Variants in CCDC146 observed in about 807,000 individuals in gnomAD.
CCDC146 encodes coiled-coil domain-containing protein 146.
Under a neutral mutation model 119.3 loss-of-function variants are expected in CCDC146, and 92 were observed. That is an observed-to-expected ratio of 0.77 (90% CI 0.65 to 0.92). The LOEUF is 0.92. Among genes scored for constraint, CCDC146 ranks in the 40% least tolerant of loss-of-function variants. The probability of loss-of-function intolerance (pLI) is 0.00; values close to 1 mark genes in which losing one functional copy is unlikely to be tolerated. For missense variants in CCDC146, 1,000 were observed against 1,103.0 expected, an observed-to-expected ratio of 0.91 and a Z score of 1.32; for synonymous variants, 372 against 371.8, an observed-to-expected ratio of 1.00 and a Z score of -0.01.
At chr7:77,276,939 G>GCA (rs1164670802) in intron 11 of CCDC146, among the ~76,000 whole-genome samples, 5 of 152,210 alleles carry the variant, frequency 3.3e-5, no homozygotes, top group African/African-American at 1.2e-4. Context: ...TGGCGTGGTG[G>GCA]TGGGCACCTG....
At chr7:77,175,221 C>T (rs937736544) in intron 2 of CCDC146, among the ~76,000 whole-genome samples, 8 of 150,914 alleles carry the variant, frequency 5.3e-5, no homozygotes, top group African/African-American at 9.9e-5. Context: ...TAAATTATTT[C>T]GCCTAAGCGA....
At chr7:77,278,027 A>G (rs1562859568) in intron 11 of CCDC146, among the ~76,000 whole-genome samples, 1 of 152,208 alleles carries the variant, frequency 6.6e-6, no homozygotes, top group Admixed American at 6.5e-5. Flanking sequence ...GCTGATCTCA[A>G]TATGATGCCT....
Position 77,278,921 on chromosome 7 carries a change from CT to C in CCDC146, c.1530-13del. Reference sequence around the variant, plus strand: ...TTCATTTCATAAGTTTCAGTAAACACTTTGTATTTTTACAGACTGAGAGAGT... The same window carrying C: ...TTCATTTCATAAGTTTCAGTAAACACTTGTATTTTTACAGACTGAGAGAGT... On this transcript the variant is annotated splice_polypyrimidine_tract_variant and intron_variant, in intron 12 of 18. Transcript: ENST00000285871. The C allele has an allele frequency of 6.2e-7, 1 of 1,605,830 alleles. No individual in the cohort carries two copies. The highest frequency in any genetic ancestry group is 1.7e-5 in the Admixed American group (1 of 58,234).
At chr7:77,265,695 G>T (rs1793388335) in intron 9 of CCDC146, among the ~76,000 whole-genome samples, 1 of 152,152 alleles carries the variant, frequency 6.6e-6, no homozygotes, top group Admixed American at 6.5e-5. Flanking sequence ...CATTGTGATG[G>T]ACCATCGTTT....
chr7:77,206,664 T>C (rs866373420), intron 2 of CCDC146, among the ~76,000 whole-genome samples: 369 of 140,610 alleles, frequency 2.6e-3, no homozygotes, highest in African/African-American at 0.011. Context: ...TATATATATA[T>C]ATATATATAC....
intron 2 of CCDC146, among the ~76,000 whole-genome samples, chr7:77,174,758 T>C (rs1791477698): frequency 6.6e-6 from 1 of 152,220 alleles, no homozygotes; most frequent in African/African-American, 2.4e-5. Context: ...CCATAATTTG[T>C]TGATCCATTC....
At chr7:77,224,601 T>C (rs1281258828) in intron 2 of CCDC146, among the ~76,000 whole-genome samples, 1 of 152,190 alleles carries the variant, frequency 6.6e-6, no homozygotes, top group East Asian at 1.9e-4. Context: ...CGGGAGATTA[T>C]TCTACCTACC....
intron 1 of CCDC146, among the ~76,000 whole-genome samples, chr7:77,133,283 C>T (rs1422266292): frequency 6.6e-6 from 1 of 152,194 alleles, no homozygotes; most frequent in Non-Finnish European, 1.5e-5. Context: ...GAAAAATTTA[C>T]ACTTAGTGCT....
chr7:77,175,542 T>A (rs2150412825), intron 2 of CCDC146, among the ~76,000 whole-genome samples: 1 of 151,236 alleles, frequency 6.6e-6, no homozygotes, highest in African/African-American at 2.5e-5. Context: ...TATGACCTTT[T>A]CACGAAAACA....
intron 2 of CCDC146, among the ~76,000 whole-genome samples, chr7:77,182,904 C>T (rs537399725): frequency 5.6e-4 from 85 of 152,254 alleles, no homozygotes; most frequent in Middle Eastern, 3.4e-3. Flanking sequence ...ACTCCCAGGC[C>T]TCCCACCTCA....
At chr7:77,223,636 T>A (rs1338939986) in intron 2 of CCDC146, among the ~76,000 whole-genome samples, 1 of 152,270 alleles carries the variant, frequency 6.6e-6, no homozygotes, top group Non-Finnish European at 1.5e-5. Context: ...CTCTTACATT[T>A]GCCTTGTGTG....
intron 4 of CCDC146, among the ~76,000 whole-genome samples, chr7:77,252,304 A>G (rs1793090818): frequency 6.6e-6 from 1 of 152,188 alleles, no homozygotes; most frequent in South Asian, 2.1e-4. Flanking sequence ...TGTTTGGTGA[A>G]AGAAAAGTCC....
intron 2 of CCDC146, chr7:77,193,747 G>C (rs1791813557): frequency 6.6e-6 from 1 of 152,156 alleles, no homozygotes. Flanking sequence ...TAAGGACCCA[G>C]TTTTAGTCAA....
intron 1 of CCDC146, among the ~76,000 whole-genome samples, chr7:77,159,731 A>G (rs1434214059): frequency 6.6e-6 from 1 of 152,222 alleles, no homozygotes; most frequent in Non-Finnish European, 1.5e-5. Context: ...TGGTTTACCA[A>G]CTTACCTTCC....
intron 11 of CCDC146, among the ~76,000 whole-genome samples, chr7:77,278,280 G>A (rs1793689352): frequency 1.3e-5 from 2 of 152,002 alleles, no homozygotes; most frequent in African/African-American, 4.8e-5. Flanking sequence ...AGCCATGCAG[G>A]CTCTTTGCGT....
chr7:77,192,698 G>A (rs904951610), intron 2 of CCDC146, among the ~76,000 whole-genome samples: 7 of 152,178 alleles, frequency 4.6e-5, no homozygotes, highest in African/African-American at 1.2e-4. Flanking sequence ...GCCTAGGCGG[G>A]TGGATCACGA....
chr7:77,172,473 T>C (rs1317300509), intron 2 of CCDC146, among the ~76,000 whole-genome samples: 1 of 152,222 alleles, frequency 6.6e-6, no homozygotes, highest in African/African-American at 2.4e-5. Flanking sequence ...AGAAACTGCT[T>C]ATATCATTCA....
intron 1 of CCDC146, among the ~76,000 whole-genome samples, chr7:77,150,945 G>A (rs1229689187): frequency 2.6e-5 from 4 of 152,162 alleles, no homozygotes; most frequent in Non-Finnish European, 1.5e-5. Flanking sequence ...GGTGATACAA[G>A]CCAGACACAT....
intron 2 of CCDC146, among the ~76,000 whole-genome samples, chr7:77,188,073 T>C (rs1339456002): frequency 2.0e-5 from 3 of 152,240 alleles, no homozygotes; most frequent in Admixed American, 6.5e-5. Flanking sequence ...TTCCGATTCC[T>C]GTACGTCACT....
Sources: gnomAD v4.1 joint callset for allele counts (sites outside exome capture counted in the v4.1 genomes callset) on GRCh38, gnomAD v4.1.1 for gene constraint, MANE v1.5 for transcripts, NCBI Gene and HGNC (gene_info 2026-07-23, HGNC 2026-07-21) for gene names.